RBFOX3: variants seen among roughly 807,000 people sequenced by gnomAD.
The protein encoded by RBFOX3 is RNA binding protein fox-1 homolog 3.
RBFOX3 carries 17 observed loss-of-function variants against 48.7 expected under a neutral mutation model. The ratio of observed to expected loss-of-function variants is 0.35; its 90% CI spans 0.24 to 0.52. The LOEUF is 0.52. Ranked by LOEUF, RBFOX3 falls within the 20% of genes least tolerant of loss-of-function variation. The pLI, the probability that RBFOX3 is intolerant of heterozygous loss-of-function variation, is 0.94. For missense variants in RBFOX3, 382 were observed against 497.5 expected (o/e 0.77, Z 2.21); for synonymous variants, 212 against 209.5 (o/e 1.01, Z -0.10).
intron 2 of RBFOX3, among the ~76,000 whole-genome samples, chr17:79,478,689 G>A (rs1357218768): frequency 6.6e-6 from 1 of 152,200 alleles, no homozygotes; most frequent in Non-Finnish European, 1.5e-5. Context: ...AGGGTTGGAG[G>A]AGCAGATGAC....
intron 4 of RBFOX3, among the ~76,000 whole-genome samples, chr17:79,206,552 T>A (rs1279115387): frequency 9.0e-5 from 7 of 77,466 alleles, no homozygotes; most frequent in Non-Finnish European, 2.0e-4. Context: ...CGGGAGCGGA[T>A]GCCTCCTGTG....
At chr17:79,187,935 C>T (rs1279173039) in intron 4 of RBFOX3, among the ~76,000 whole-genome samples, 4 of 152,094 alleles carry the variant, frequency 2.6e-5, no homozygotes, top group Non-Finnish European at 5.9e-5. Context: ...ACTCGTCAGC[C>T]TTTTTTTAAA....
intron 1 of RBFOX3, among the ~76,000 whole-genome samples, chr17:79,495,891 G>A (rs986872018): frequency 1.2e-4 from 18 of 151,796 alleles, no homozygotes; most frequent in African/African-American, 4.1e-4. Context: ...GACCCTGCAG[G>A]CCGGGACCCT....
chr17:79,164,181 G>A (rs1318317014), intron 4 of RBFOX3, among the ~76,000 whole-genome samples: 1 of 152,190 alleles, frequency 6.6e-6, no homozygotes, highest in African/African-American at 2.4e-5. Flanking sequence ...CTCTGGGAGG[G>A]GTGGGCATGG....
Position 79,198,911 on chromosome 17 carries a change from G to A in RBFOX3, c.-34+36855C>T, listed in dbSNP as rs191499109. 5.9e-5 allele frequency among the ~76,000 whole-genome samples: 9 copies of A among 152,346 alleles called. No homozygotes were observed. Among genetic ancestry groups the A allele is most frequent in the African/African-American group, 2.2e-4 (9 of 41,584 alleles). ...CCCAAAGTGCTGGGATTACAGGTGT[G>A]AGCCACTGCACCTGGCCGAGCTTTT... On this transcript the variant is annotated intron_variant, in intron 4 of 14. Coordinates refer to ENST00000693108, the MANE Select transcript of RBFOX3 (RefSeq NM_001350451.2). The surrounding 1 kb of genome is among the most constrained non-coding windows in gnomAD (Gnocchi z 8.2).
intron 4 of RBFOX3, among the ~76,000 whole-genome samples, chr17:79,191,724 A>C (rs1257547348): frequency 6.6e-6 from 1 of 152,218 alleles, no homozygotes; most frequent in Non-Finnish European, 1.5e-5. Flanking sequence ...AGTGGGGACG[A>C]GCATATCTGC....
intron 2 of RBFOX3, among the ~76,000 whole-genome samples, chr17:79,416,649 G>A (rs577115169): frequency 6.6e-6 from 1 of 152,332 alleles, no homozygotes; most frequent in African/African-American, 2.4e-5. Flanking sequence ...CAGGAGAAGT[G>A]GAGGCCGGCC....
rs2146064551 is a variant in RBFOX3 at position 79,090,513 on chromosome 17, A to AGTT, written c.*367_*369dup. ...TGGGCTCCACACTGTCTGTCTTGGG[A>AGTT]GTTGGGGGCTGGGAAAGGAAGACTG... On this transcript the variant is annotated 3_prime_UTR_variant, in exon 15 of 15. Coordinates refer to ENST00000693108, the MANE Select transcript of RBFOX3 (RefSeq NM_001350451.2). The AGTT allele has an allele frequency of 3.8e-6, 1 of 263,978 alleles. No homozygotes were observed. Among genetic ancestry groups the AGTT allele is most frequent in the East Asian group, 7.8e-5 (1 of 12,812 alleles). 16.4% of individuals were successfully genotyped at this position (263,978 alleles called of 1,614,324 possible). A position where few individuals can be genotyped will look rare whatever the true frequency, so the allele number is the denominator to read the frequency against.
chr17:79,632,524 C>G, the RBFOX3 span, among the ~76,000 whole-genome samples: 1 of 152,132 alleles, frequency 6.6e-6, no homozygotes, highest in African/African-American at 2.4e-5. Context: ...TATCTCTAAC[C>G]CAGGGTCATT....
chr17:79,121,087 C>T, intron 4 of RBFOX3, among the ~76,000 whole-genome samples: 1 of 152,104 alleles, frequency 6.6e-6, no homozygotes, highest in African/African-American at 2.4e-5. Context: ...ACCTTGCTTC[C>T]TGTTTTCTAG....
chr17:79,186,403 C>T (rs1200251870), intron 4 of RBFOX3, among the ~76,000 whole-genome samples: 6 of 152,378 alleles, frequency 3.9e-5, no homozygotes, highest in African/African-American at 9.6e-5. Flanking sequence ...CAGAGTGTCG[C>T]GCAGGCCTGA....
intron 1 of RBFOX3, among the ~76,000 whole-genome samples, chr17:79,543,668 G>A (rs868925653): frequency 2.0e-5 from 3 of 152,180 alleles, no homozygotes; most frequent in African/African-American, 4.8e-5. Context: ...GATGAAACAC[G>A]CGGCGAAGAT....
At chr17:79,132,556 G>A (rs1375934006) in intron 4 of RBFOX3, among the ~76,000 whole-genome samples, 1 of 152,232 alleles carries the variant, frequency 6.6e-6, no homozygotes, top group Non-Finnish European at 1.5e-5. Context: ...GAGATTGGCA[G>A]GAGTGCCAGA....
chr17:79,202,029 TG>T (rs2056833865), intron 4 of RBFOX3, among the ~76,000 whole-genome samples: 1 of 152,138 alleles, frequency 6.6e-6, no homozygotes, highest in South Asian at 2.1e-4. Context: ...GTCACAGTCC[TG>T]GGGTGCTGAC....
chr17:79,662,974 C>T, the RBFOX3 span, among the ~76,000 whole-genome samples: 8 of 152,182 alleles, frequency 5.3e-5, no homozygotes, highest in Non-Finnish European at 8.8e-5. Context: ...AGGAAGGAAA[C>T]GTCGCTGTTT....
At chr17:79,596,567 GC>G (rs1469268088) in intron 1 of RBFOX3, among the ~76,000 whole-genome samples, 1 of 151,912 alleles carries the variant, frequency 6.6e-6, no homozygotes, top group Non-Finnish European at 1.5e-5. Context: ...AGCCACAAAG[GC>G]CCCTGCCCCC....
intron 1 of RBFOX3, among the ~76,000 whole-genome samples, chr17:79,610,087 G>T (rs1320947412): frequency 6.6e-6 from 1 of 151,906 alleles, no homozygotes; most frequent in Non-Finnish European, 1.5e-5. Context: ...AGCGCCCCCA[G>T]CCCGCCCCCT....
chr17:79,430,667 C>T (rs1197091172), intron 2 of RBFOX3, among the ~76,000 whole-genome samples: 2 of 152,214 alleles, frequency 1.3e-5, no homozygotes, highest in African/African-American at 2.4e-5. Flanking sequence ...GCCTCAGCCT[C>T]CTGAGTAGCT....
intron 4 of RBFOX3, among the ~76,000 whole-genome samples, chr17:79,181,225 G>A (rs1014583941): frequency 2.7e-4 from 41 of 152,318 alleles, no homozygotes; most frequent in African/African-American, 9.4e-4. Context: ...TTGGTCTCCA[G>A]ACCAGGACCC....
Sources: gnomAD v4.1 joint callset for allele counts (sites outside exome capture counted in the v4.1 genomes callset) on GRCh38, gnomAD v4.1.1 for gene constraint, Gnocchi (gnomAD v3.1) non-coding constraint, MANE v1.5 for transcripts, NCBI Gene and HGNC (gene_info 2026-07-23, HGNC 2026-07-21) for gene names.